The following DLGAP1 variants were observed in gnomAD, a reference collection of about 807,000 sequenced individuals.
DLGAP1 encodes the protein DLG associated protein 1.
A neutral mutation model predicts 90.8 loss-of-function variants in DLGAP1; 11 were observed. That is an observed-to-expected ratio of 0.12 (90% CI 0.08 to 0.20). DLGAP1 has a LOEUF of 0.20. Among genes scored for constraint, DLGAP1 ranks in the 10% least tolerant of loss-of-function variants. The probability of loss-of-function intolerance (pLI) is 1.00; values close to 1 mark genes in which losing one functional copy is unlikely to be tolerated. For missense variants in DLGAP1, 1,050 were observed against 1,333.8 expected, an observed-to-expected ratio of 0.79 and a Z score of 3.31; for synonymous variants, 558 against 540.7, an observed-to-expected ratio of 1.03 and a Z score of -0.44.
At chr18:4,286,900 C>T (rs964592658) in intron 1 of DLGAP1, among the ~76,000 whole-genome samples, 16 of 151,992 alleles carry the variant, frequency 1.1e-4, no homozygotes, top group African/African-American at 3.4e-4. Context: ...GACTTTTTAA[C>T]GATAATTGGG....
At chr18:3,514,467 G>A (rs1208644155) in intron 10 of DLGAP1, among the ~76,000 whole-genome samples, 2 of 152,102 alleles carry the variant, frequency 1.3e-5, no homozygotes, top group South Asian at 2.1e-4. Context: ...AGGTTACTAC[G>A]GTAGATATGC....
At chr18:4,447,928 A>G (rs2144884827) in intron 1 of DLGAP1, among the ~76,000 whole-genome samples, 1 of 152,238 alleles carries the variant, frequency 6.6e-6, no homozygotes, top group Middle Eastern at 3.4e-3. Flanking sequence ...AGTGGTTCCT[A>G]TCAAATCTAA....
chr18:3,951,635 T>A (rs147349616), intron 3 of DLGAP1, among the ~76,000 whole-genome samples: 180 of 152,344 alleles, frequency 1.2e-3, no homozygotes, highest in African/African-American at 3.8e-3. Context: ...TCATCTTGAA[T>A]TGTAATCTGA....
chr18:3,693,486 G>A (rs1169063344), intron 7 of DLGAP1, among the ~76,000 whole-genome samples: 1 of 152,166 alleles, frequency 6.6e-6, no homozygotes, highest in African/African-American at 2.4e-5. Flanking sequence ...TATACTGCAT[G>A]GGCAGAAACA....
intron 5 of DLGAP1, among the ~76,000 whole-genome samples, chr18:3,765,695 G>A (rs971959570): frequency 4.6e-5 from 7 of 151,978 alleles, no homozygotes; most frequent in South Asian, 2.1e-4. Flanking sequence ...TTAGCCAGGC[G>A]TGGTGGCAGG....
chr18:3,996,330 C>T (rs1285366862), intron 3 of DLGAP1, among the ~76,000 whole-genome samples: 1 of 152,058 alleles, frequency 6.6e-6, no homozygotes, highest in Non-Finnish European at 1.5e-5. Context: ...TCTAAATTTT[C>T]ATTTCATTTT....
At chr18:3,737,866 T>C (rs1384211683) in intron 6 of DLGAP1, among the ~76,000 whole-genome samples, 13 of 150,178 alleles carry the variant, frequency 8.7e-5, no homozygotes, top group Admixed American at 7.3e-4. Context: ...ATTGTATATC[T>C]AGAAAACCCC....
intron 1 of DLGAP1, among the ~76,000 whole-genome samples, chr18:4,334,768 C>T (rs1459301400): frequency 6.6e-6 from 1 of 151,824 alleles, no homozygotes; most frequent in Non-Finnish European, 1.5e-5. Context: ...CCTGCCTCCA[C>T]CTGCATCTGT....
At chr18:3,599,849 C>T (rs1274500025) in intron 7 of DLGAP1, among the ~76,000 whole-genome samples, 1 of 151,932 alleles carries the variant, frequency 6.6e-6, no homozygotes, top group East Asian at 1.9e-4. Flanking sequence ...GATCTCTTGA[C>T]CTTGTGATCC....
chr18:4,356,936 A>G (rs1008815054), intron 1 of DLGAP1, among the ~76,000 whole-genome samples: 3 of 152,014 alleles, frequency 2.0e-5, no homozygotes, highest in African/African-American at 7.2e-5. Flanking sequence ...TTCCTCCAGC[A>G]TGGGTAGCCA....
intron 5 of DLGAP1, among the ~76,000 whole-genome samples, chr18:3,751,946 C>T (rs374674896): frequency 6.0e-5 from 9 of 149,856 alleles, no homozygotes; most frequent in African/African-American, 7.4e-5. Context: ...TGCAGTGGCG[C>T]GATCTTGGCT....
chr18:3,627,858 T>C, intron 7 of DLGAP1, among the ~76,000 whole-genome samples: 2 of 145,462 alleles, frequency 1.4e-5, no homozygotes, highest in African/African-American at 2.5e-5. Flanking sequence ...TTCCCTCCCT[T>C]CCTCCCTCCT....
chr18:4,420,708 C>A (rs904630663), intron 1 of DLGAP1, among the ~76,000 whole-genome samples: 8 of 152,174 alleles, frequency 5.3e-5, no homozygotes, highest in South Asian at 2.1e-4. Context: ...GACTACTAGA[C>A]AGTTGCTCTC....
At chr18:3,945,594 A>G (rs2072860270) in intron 3 of DLGAP1, among the ~76,000 whole-genome samples, 1 of 152,208 alleles carries the variant, frequency 6.6e-6, no homozygotes, top group Non-Finnish European at 1.5e-5. Context: ...TATTTGCTCA[A>G]TATCTTTTAT....
chr18:4,424,348 C>T (rs915388286), intron 1 of DLGAP1, among the ~76,000 whole-genome samples: 4 of 152,164 alleles, frequency 2.6e-5, no homozygotes, highest in African/African-American at 9.6e-5. Context: ...GTGTTAACAG[C>T]ATGCAAATTC....
At chr18:4,137,861 G>A (rs1046440361) in intron 2 of DLGAP1, among the ~76,000 whole-genome samples, 1 of 151,822 alleles carries the variant, frequency 6.6e-6, no homozygotes, top group East Asian at 1.9e-4. Flanking sequence ...TATTTCCTAG[G>A]TGTTTACTGT....
chr18:4,313,003 T>C (rs1240158534), intron 1 of DLGAP1, among the ~76,000 whole-genome samples: 1 of 152,230 alleles, frequency 6.6e-6, no homozygotes, highest in Non-Finnish European at 1.5e-5. Flanking sequence ...TCATTTTACT[T>C]ACTTCTTAGC....
chr18:4,234,707 C>A (rs1357194441), intron 1 of DLGAP1, among the ~76,000 whole-genome samples: 1 of 152,118 alleles, frequency 6.6e-6, no homozygotes, highest in Non-Finnish European at 1.5e-5. Context: ...AAATTTAGTG[C>A]CACTCAGATA....
intron 1 of DLGAP1, among the ~76,000 whole-genome samples, chr18:4,304,194 A>C (rs2080195212): frequency 6.6e-6 from 1 of 152,322 alleles, no homozygotes; most frequent in African/African-American, 2.4e-5. Flanking sequence ...GTGGAGGAAG[A>C]TAAAAAGTTC....
Sources: gnomAD v4.1 joint callset for allele counts (sites outside exome capture counted in the v4.1 genomes callset) on GRCh38, gnomAD v4.1.1 for gene constraint, MANE v1.5 for transcripts, NCBI Gene and HGNC (gene_info 2026-07-23, HGNC 2026-07-21) for gene names.